The following AQR variants were observed in gnomAD, a reference collection of about 807,000 sequenced individuals.
AQR encodes the protein RNA helicase aquarius.
Under a neutral mutation model 180.5 loss-of-function variants are expected in AQR, and 61 were observed. The observed-to-expected ratio is 0.34, with a 90% CI of 0.28 to 0.42. The LOEUF (loss-of-function observed/expected upper bound fraction) is 0.42. Among genes scored for constraint, AQR ranks in the 10% least tolerant of loss-of-function variants. The pLI is 1.00. For synonymous variants in AQR, 551 were observed against 588.8 expected, an observed-to-expected ratio of 0.94 and a Z score of 0.93; for missense variants, 1,281 against 1,798.3, an observed-to-expected ratio of 0.71 and a Z score of 5.20.
At chr15:34,949,349 G>A (rs1201976023) in intron 4 of AQR, among the ~76,000 whole-genome samples, 2 of 151,316 alleles carry the variant, frequency 1.3e-5, no homozygotes, top group Admixed American at 6.6e-5. Flanking sequence ...AGTGGCTCAC[G>A]CCTGCAATCC....
rs888574708 is a variant in AQR at position 34,853,599 on chromosome 15, A to C, written c.*3193T>G. ...GCCACTAGGTGTCCCCTTCTTGATC[A>C]TTCTTCATGCTGCCTGGATTGGGGC... On this transcript the variant is annotated 3_prime_UTR_variant, in exon 35 of 35. Transcript: ENST00000156471. 2 of 152,204 alleles carry C rather than the reference A, an allele frequency of 1.3e-5. No individual in the cohort carries two copies. The highest frequency in any genetic ancestry group is 2.9e-5 in the Non-Finnish European group (2 of 68,054). The allele number at this position is 152,204 out of a possible 1,614,324, so 9.4% of individuals were successfully genotyped here. A position where few individuals can be genotyped will look rare whatever the true frequency, so the allele number is the denominator to read the frequency against.
chr15:34,876,937 GC>G (rs1490722275), intron 27 of AQR, among the ~76,000 whole-genome samples: 10 of 152,144 alleles, frequency 6.6e-5, no homozygotes, highest in Non-Finnish European at 1.2e-4. Context: ...CTTTATCTAG[GC>G]CTTCTGTGAC....
intron 2 of AQR, among the ~76,000 whole-genome samples, chr15:34,963,452 A>G (rs540783882): frequency 1.5e-3 from 235 of 152,266 alleles, no homozygotes; most frequent in African/African-American, 5.4e-3. Context: ...TGCTCCTTCC[A>G]TCTTTATTAT....
intron 6 of AQR, chr15:34,943,485 A>G: frequency 4.1e-6 from 2 of 490,662 alleles, no homozygotes; most frequent in Non-Finnish European, 6.2e-6. Flanking sequence ...ATAAATAAAA[A>G]TAAATGTTAA....
chr15:34,881,906 A>G (rs1276176226), intron 27 of AQR, among the ~76,000 whole-genome samples: 4 of 152,138 alleles, frequency 2.6e-5, no homozygotes, highest in African/African-American at 9.7e-5. Flanking sequence ...CCTGAGTTCA[A>G]GTGATTCTCC....
At chr15:34,926,537 G>C (rs952579607) in intron 13 of AQR, among the ~76,000 whole-genome samples, 6 of 152,168 alleles carry the variant, frequency 3.9e-5, no homozygotes, top group Non-Finnish European at 7.3e-5. Context: ...TAGCATGAAT[G>C]TTTTCAGAGT....
rs1595775977 is a variant in AQR at position 34,852,091 on chromosome 15, T to G, written c.*4701A>C. On this transcript the variant is annotated 3_prime_UTR_variant, in exon 35 of 35. Transcript: ENST00000156471. Reference sequence around the variant, plus strand: ...ACCTGTAGGGAAAAAAAATGTATTTTGGGGCTTTATCTTTAAAGGGCGATT... The same window carrying G: ...ACCTGTAGGGAAAAAAAATGTATTTGGGGGCTTTATCTTTAAAGGGCGATT... 6.6e-6 allele frequency: 1 copy of G among 152,256 alleles called. No individual in the cohort carries two copies. The highest frequency in any genetic ancestry group is 1.9e-4 in the East Asian group (1 of 5,180). The allele number at this position is 152,256 out of a possible 1,614,324, so 9.4% of individuals were successfully genotyped here.
intron 4 of AQR, among the ~76,000 whole-genome samples, chr15:34,948,770 C>G (rs1566995832): frequency 6.7e-6 from 1 of 149,360 alleles, no homozygotes; most frequent in Non-Finnish European, 1.5e-5. Flanking sequence ...ACACTCCAGC[C>G]TGGCCAACAG....
intron 12 of AQR, among the ~76,000 whole-genome samples, chr15:34,929,734 G>C (rs1595800738): frequency 3.3e-5 from 5 of 151,904 alleles, no homozygotes; most frequent in Admixed American, 2.0e-4. Context: ...AACAGAAATA[G>C]CTGGATTACT....
At chr15:34,919,188 G>A (rs1186974793) in intron 14 of AQR, among the ~76,000 whole-genome samples, 12 of 149,238 alleles carry the variant, frequency 8.0e-5, no homozygotes, top group South Asian at 4.2e-4. Context: ...GCAGTGAACC[G>A]AGATTGCACC....
At chr15:34,887,326 A>G (rs1408614341) in intron 24 of AQR, among the ~76,000 whole-genome samples, 1 of 152,216 alleles carries the variant, frequency 6.6e-6, no homozygotes, top group Non-Finnish European at 1.5e-5. Context: ...AGTTCATTTC[A>G]TCACAGACCA....
rs998055134 is a variant in AQR, at chr15:34,964,835, G to C, written c.76-545C>G. On this transcript the variant is annotated intron_variant, in intron 1 of 34. Transcript: ENST00000156471. The stretch of plus-strand genomic sequence containing the variant: ...GAGCTGGCATATTTCAGCAGATTAG[G>C]CTTGACCTGTAAATTGTGAAATTTA... Among the ~76,000 whole-genome samples the C allele has an allele frequency of 4.0e-5, 6 of 151,654 alleles. No individual in the cohort carries two copies. The East Asian group carries it at 1.2e-3, about 29-fold the overall frequency.
At chr15:34,939,702 A>C (rs1893995802) in intron 8 of AQR, among the ~76,000 whole-genome samples, 1 of 152,244 alleles carries the variant, frequency 6.6e-6, no homozygotes, top group African/African-American at 2.4e-5. Flanking sequence ...ATCTACTTGC[A>C]ATAACAAGTC....
In AQR at chr15:34,920,442, A is replaced by G; in HGVS notation, c.1119-8T>C. ...TGGTGGAGTGTGTTTGAACTGCAGA[A>G]TAGAGAACAATATTTTATTCATAGT... On this transcript the variant is annotated splice_polypyrimidine_tract_variant and splice_region_variant and intron_variant, in intron 13 of 34. Coordinates refer to ENST00000156471, the MANE Select transcript of AQR (RefSeq NM_014691.3). The G allele has an allele frequency of 6.3e-7, 1 of 1,580,688 alleles. No homozygotes were observed. The highest frequency in any genetic ancestry group is 1.1e-5 in the South Asian group (1 of 88,360).
chr15:34,858,278 C>A (rs1237352239), intron 34 of AQR, among the ~76,000 whole-genome samples: 1 of 147,760 alleles, frequency 6.8e-6, no homozygotes, highest in Non-Finnish European at 1.5e-5. Flanking sequence ...GCCACCGCGC[C>A]TGGCCTTTAA....
chr15:34,902,840 A>G (rs1466361802), intron 19 of AQR, among the ~76,000 whole-genome samples: 3 of 152,132 alleles, frequency 2.0e-5, no homozygotes, highest in Non-Finnish European at 4.4e-5. Context: ...ATACTATATA[A>G]CAGGCACAGT....
rs1892534063 is a variant in AQR, at chr15:34,852,830, A to C, written c.*3962T>G. 6.6e-6 allele frequency: 1 copy of C among 152,194 alleles called. No individual in the cohort carries two copies. Among genetic ancestry groups the C allele is most frequent in the South Asian group, 2.1e-4 (1 of 4,826 alleles). The allele number at this position is 152,194 out of a possible 1,614,324, so 9.4% of individuals were successfully genotyped here. On this transcript the variant is annotated 3_prime_UTR_variant, in exon 35 of 35. Coordinates refer to ENST00000156471, the MANE Select transcript of AQR (RefSeq NM_014691.3). Reference sequence around the variant, plus strand: ...ATAATCGTATCGGCCATCTTTGTACATAAGGTCAAAATGTCAGGCAGCCCT... The same window carrying C: ...ATAATCGTATCGGCCATCTTTGTACCTAAGGTCAAAATGTCAGGCAGCCCT...
chr15:34,940,938 T>C lies in AQR; in HGVS notation c.602A>G (p.Lys201Arg). 3 of 1,610,768 alleles carry C rather than the reference T, an allele frequency of 1.9e-6. No homozygotes were observed. The highest frequency in any genetic ancestry group is 2.5e-6 in the Non-Finnish European group (3 of 1,178,624). Residue 201 changes from lysine to arginine, a missense_variant, in exon 8 of 35, where the codon AAA (lysine) becomes AGA (arginine). Transcript: ENST00000156471. ...PKLRKFWNLIKKNDEKMDPEA... is the reference protein window; with the variant it reads ...PKLRKFWNLIRKNDEKMDPEA... ...TGGATCCATCTTTTCATCATTCTTT[T>C]TAATCAAGTTCCAGAATTTTCTTAG...
intron 16 of AQR, 130 bp from the exon 17 acceptor site, chr15:34,910,443 TCTTAA>T (rs1893483246): frequency 1.0e-6 from 1 of 987,894 alleles, no homozygotes; most frequent in Admixed American, 2.9e-5. Context: ...AACTCTTATT[TCTTAA>T]CTTAAAAAAA....
Sources: allele counts gnomAD v4.1 joint callset (sites outside exome capture counted in the v4.1 genomes callset), GRCh38; gene constraint gnomAD v4.1.1; transcripts MANE v1.5; gene names NCBI Gene and HGNC (gene_info 2026-07-23, HGNC 2026-07-21).